FRMPD2: variants seen among roughly 807,000 people sequenced by gnomAD.
FRMPD2 encodes the protein FERM and PDZ domain-containing protein 2.
A neutral mutation model predicts 140.1 loss-of-function variants in FRMPD2; 96 were observed. The ratio of observed to expected loss-of-function variants is 0.69; its 90% CI spans 0.58 to 0.81. The LOEUF is 0.81. Among genes scored for constraint, FRMPD2 ranks in the 40% least tolerant of loss-of-function variants. The probability of loss-of-function intolerance (pLI) is 0.00; values close to 1 mark genes in which losing one functional copy is unlikely to be tolerated. For missense variants in FRMPD2, 1,240 were observed against 1,447.4 expected (o/e 0.86, Z 2.32); for synonymous variants, 449 against 547.6 (o/e 0.82, Z 2.52).
intron 26 of FRMPD2, among the ~76,000 whole-genome samples, chr10:48,170,682 C>T (rs1323302543): frequency 1.3e-5 from 2 of 149,988 alleles, no homozygotes; most frequent in African/African-American, 2.4e-5. Context: ...CACTCTAGTC[C>T]CTTCAGCCCC....
intron 15 of FRMPD2, among the ~76,000 whole-genome samples, chr10:48,193,727 G>A (rs1417776072): frequency 6.6e-6 from 1 of 152,150 alleles, no homozygotes; most frequent in Non-Finnish European, 1.5e-5. Context: ...GTAGTGGTGT[G>A]GCTCCTGGTT....
chr10:48,199,998 G>T (rs1003961924), intron 15 of FRMPD2, among the ~76,000 whole-genome samples: 8 of 152,044 alleles, frequency 5.3e-5, no homozygotes, highest in Non-Finnish European at 1.0e-4. Flanking sequence ...ACCCCATGTC[G>T]CTGGAGGAGA....
chr10:48,257,618 C>T (rs1470873922), intron 1 of FRMPD2, among the ~76,000 whole-genome samples: 1 of 152,022 alleles, frequency 6.6e-6, no homozygotes, highest in African/African-American at 2.4e-5. Flanking sequence ...TTATTCAGAC[C>T]ACCCCAGGCT....
chr10:48,257,737 G>A lies in FRMPD2; in HGVS notation c.26-6046C>T, dbSNP rs1003833047. ...GCACAGGGCACATACTTACCCCTCT[G>A]AGCCTCAGTCTTATCATCTGGTAAA... On this transcript the variant is annotated intron_variant, in intron 1 of 28. Transcript: ENST00000374201. Among the ~76,000 whole-genome samples the A allele has an allele frequency of 2.6e-4, 39 of 152,138 alleles. 1 individual carries two copies. Among genetic ancestry groups the A allele is most frequent in the Non-Finnish European group, 2.4e-4 (16 of 68,042 alleles).
intron 1 of FRMPD2, among the ~76,000 whole-genome samples, chr10:48,263,171 T>C (rs1564443734): frequency 6.6e-6 from 1 of 152,212 alleles, no homozygotes; most frequent in East Asian, 1.9e-4. Flanking sequence ...AAGGAAGTAC[T>C]TATACAGAGA....
chr10:48,255,202 C>A (rs971331446), intron 1 of FRMPD2, among the ~76,000 whole-genome samples: 2 of 152,130 alleles, frequency 1.3e-5, no homozygotes, highest in African/African-American at 4.8e-5. Context: ...CATCTAGTAG[C>A]ATAGAAGTCT....
rs376645802 is a variant in FRMPD2, at chr10:48,184,691, A to G, written c.2468-9T>C. On this transcript the variant is annotated splice_polypyrimidine_tract_variant and intron_variant, in intron 19 of 28. Coordinates refer to ENST00000374201, the MANE Select transcript of FRMPD2 (RefSeq NM_001018071.4). ...GGCTAGTATCTGCCCTCCTAGAAAA[A>G]TAAAACATCTCAATAATCCTTCAAG... The G allele has an allele frequency of 1.2e-6, 2 of 1,603,460 alleles. No individual in the cohort carries two copies. Among genetic ancestry groups the G allele is most frequent in the African/African-American group, 1.3e-5 (1 of 74,770 alleles).
rs927273457 is a variant in FRMPD2, at chr10:48,232,200, T to C, written c.1083A>G (p.Glu361=). Residue 361 remains glutamate (E), a synonymous_variant, in exon 10 of 29, where the codon GAA becomes GAG. Transcript: ENST00000374201. The part of the protein sequence containing the change: ...GQHLEVKCDV[E]STVGAVFNAV... The stretch of plus-strand genomic sequence containing the variant: ...CATTGAAGACAGCTCCCACTGTTGA[T>C]TCAACATCACATTTTACCTCCAGGT... The C allele has an allele frequency of 1.2e-6, 2 of 1,614,204 alleles. No individual in the cohort carries two copies. The highest frequency in any genetic ancestry group is 1.1e-5 in the South Asian group (1 of 91,078).
intron 2 of FRMPD2, among the ~76,000 whole-genome samples, chr10:48,250,963 A>ATTTT (rs113989363): frequency 0.093 from 13,337 of 143,348 alleles, 1,978 homozygotes; most frequent in African/African-American, 0.32. Flanking sequence ...TACCTGGCAA[A>ATTTT]TTTTTTTTTT....
intron 12 of FRMPD2, among the ~76,000 whole-genome samples, chr10:48,215,363 A>G (rs1293054979): frequency 6.6e-6 from 1 of 152,184 alleles, no homozygotes; most frequent in East Asian, 1.9e-4. Flanking sequence ...TCACTCAATG[A>G]CCTTTGAAGT....
At chr10:48,207,353 C>T (rs999311412) in intron 13 of FRMPD2, among the ~76,000 whole-genome samples, 2 of 152,074 alleles carry the variant, frequency 1.3e-5, no homozygotes, top group Admixed American at 6.5e-5. Context: ...AATCCCTTTA[C>T]GTGACAGATA....
At chr10:48,230,219 T>C (rs182143550) in intron 10 of FRMPD2, among the ~76,000 whole-genome samples, 1 of 152,224 alleles carries the variant, frequency 6.6e-6, no homozygotes, top group African/African-American at 2.4e-5. Flanking sequence ...CTTTTTCTCC[T>C]TTCCTGATCC....
intron 8 of FRMPD2, 95 bp from the exon 9 acceptor site, chr10:48,236,648 GC>G: frequency 1.8e-6 from 2 of 1,133,730 alleles, no homozygotes; most frequent in Non-Finnish European, 2.6e-6. Context: ...GCCCCCACCA[GC>G]ATACATTCCC....
chr10:48,231,642 C>T (rs1260331590), intron 10 of FRMPD2, among the ~76,000 whole-genome samples: 1 of 152,166 alleles, frequency 6.6e-6, no homozygotes, highest in Non-Finnish European at 1.5e-5. Context: ...TTTTGGAGAG[C>T]CTGTCTCTCT....
At chr10:48,218,916 GT>G (rs1438724828) in intron 12 of FRMPD2, among the ~76,000 whole-genome samples, 1 of 152,196 alleles carries the variant, frequency 6.6e-6, no homozygotes, top group Admixed American at 6.5e-5. Flanking sequence ...TAAATGACAT[GT>G]TTTATTCAAG....
chr10:48,237,018 C>T (rs1839982409), intron 8 of FRMPD2, among the ~76,000 whole-genome samples: 1 of 152,004 alleles, frequency 6.6e-6, no homozygotes, highest in South Asian at 2.1e-4. Flanking sequence ...TTACACTTGA[C>T]CCAGAAAACA....
chr10:48,221,116 T>A (rs1839576098), intron 12 of FRMPD2, among the ~76,000 whole-genome samples: 1 of 152,160 alleles, frequency 6.6e-6, no homozygotes, highest in Non-Finnish European at 1.5e-5. Flanking sequence ...AAGAAGTTAT[T>A]ATACATAAAA....
intron 3 of FRMPD2, among the ~76,000 whole-genome samples, chr10:48,247,651 TG>T (rs1840281413): frequency 6.6e-6 from 1 of 152,252 alleles, no homozygotes; most frequent in Admixed American, 6.5e-5. Context: ...CATTTACCAC[TG>T]GCTAAGTGTC....
At chr10:48,242,738 A>G (rs280613) in intron 4 of FRMPD2, among the ~76,000 whole-genome samples, 106,702 of 152,138 alleles carry the variant, frequency 0.7, 40,888 homozygotes, top group East Asian at 0.92. Context: ...ATTGTATCCA[A>G]TCACTCAGGG....
Sources: gnomAD v4.1 joint callset for allele counts (sites outside exome capture counted in the v4.1 genomes callset) on GRCh38, gnomAD v4.1.1 for gene constraint, MANE v1.5 for transcripts, NCBI Gene and HGNC (gene_info 2026-07-23, HGNC 2026-07-21) for gene names.